The following MYO19 variants were observed in gnomAD, a reference collection of about 807,000 sequenced individuals.
MYO19 encodes myosin XIX, also known as unconventional myosin-XIX.
Under a neutral mutation model 129.2 loss-of-function variants are expected in MYO19, and 132 were observed. The observed-to-expected ratio is 1.02, with a 90% CI of 0.89 to 1.18. MYO19 has a LOEUF of 1.18. Ranked by LOEUF, MYO19 falls within the 50% of genes most tolerant of loss-of-function variation. The probability of loss-of-function intolerance (pLI) is 0.00; values close to 1 mark genes in which losing one functional copy is unlikely to be tolerated. For missense variants in MYO19, 1,210 were observed against 1,216.7 expected, an observed-to-expected ratio of 0.99 and a Z score of 0.08; for synonymous variants, 531 against 477.2, an observed-to-expected ratio of 1.11 and a Z score of -1.47.
At chr17:36,497,159 G>A (rs564577555) in intron 25 of MYO19, among the ~76,000 whole-genome samples, 3 of 146,464 alleles carry the variant, frequency 2.0e-5, no homozygotes, top group Non-Finnish European at 3.0e-5. Context: ...GCGAAACCCC[G>A]TCTCTATTAA....
At chr17:36,532,888 C>CAGGGTT (rs2073909167) in intron 2 of MYO19, among the ~76,000 whole-genome samples, 1 of 152,124 alleles carries the variant, frequency 6.6e-6, no homozygotes, top group Non-Finnish European at 1.5e-5. Flanking sequence ...AGTTTTATTA[C>CAGGGTT]AGGGTTAGGG....
chr17:36,522,544 AAAAAC>A (rs2073201479), intron 6 of MYO19, among the ~76,000 whole-genome samples: 1 of 151,866 alleles, frequency 6.6e-6, no homozygotes, highest in African/African-American at 2.4e-5. Context: ...TATGGTTCAT[AAAAAC>A]AAAACAAGGC....
intron 2 of MYO19, among the ~76,000 whole-genome samples, chr17:36,541,916 T>A (rs984459968): frequency 2.0e-5 from 3 of 152,242 alleles, no homozygotes; most frequent in Non-Finnish European, 4.4e-5. Context: ...AGATGCACAG[T>A]GAAAACTTTG....
In MYO19 at chr17:36,515,986, CAT is replaced by C; in HGVS notation, c.417_418del (p.Trp140AspfsTer51). On this transcript the variant is annotated frameshift_variant and splice_region_variant, in exon 7 of 26. Coordinates refer to ENST00000614623, the MANE Select transcript of MYO19 (RefSeq NM_001163735.2). LOFTEE classifies it high-confidence loss of function. ...GAACTTCATTAGGCAGCGAGACGTC[CAT>C]GTCTGTGGCAGAAACAGCCCTGTGG... is the stretch of plus-strand genomic sequence containing the variant. The C allele has an allele frequency of 6.2e-7, 1 of 1,610,280 alleles. No individual in the cohort carries two copies. Among genetic ancestry groups the C allele is most frequent in the East Asian group, 2.2e-5 (1 of 44,814 alleles).
chr17:36,514,307 TC>T, intron 9 of MYO19, 138 bp downstream of exon 9: 1 of 660,584 alleles, frequency 1.5e-6, no homozygotes, highest in Non-Finnish European at 2.7e-6. Flanking sequence ...GCATGTAAAG[TC>T]TGCAGGATAA....
In MYO19 at chr17:36,523,225, T is replaced by C. The variant is rs375199039; in HGVS notation, c.414+2003A>G. On this transcript the variant is annotated intron_variant, in intron 6 of 25. Coordinates refer to ENST00000614623, the MANE Select transcript of MYO19 (RefSeq NM_001163735.2). The stretch of plus-strand genomic sequence containing the variant: ...AACAAAAACAAAATAAAGAGAACGC[T>C]ATGGGTTCCTGCCATGGGGGATTTA... Among the ~76,000 whole-genome samples the C allele has an allele frequency of 3.3e-5, 5 of 150,076 alleles. No individual in the cohort carries two copies. In the South Asian group the frequency reaches 8.4e-4, roughly 25 times the overall value.
chr17:36,521,038 C>T (rs188220811), intron 6 of MYO19, among the ~76,000 whole-genome samples: 73 of 152,252 alleles, frequency 4.8e-4, no homozygotes, highest in African/African-American at 1.7e-3. Flanking sequence ...TTGATATGCC[C>T]AAAGATTTAT....
intron 8 of MYO19, 63 bp from the exon 9 acceptor site, chr17:36,514,611 T>A: frequency 8.8e-7 from 1 of 1,138,556 alleles, no homozygotes; most frequent in Non-Finnish European, 1.3e-6. Flanking sequence ...TGTCTGGCAA[T>A]CTGGGTGTGC....
At chr17:36,513,847 C>T (rs2072545461) in intron 9 of MYO19, 122 bp from the exon 10 acceptor site, 5 of 821,544 alleles carry the variant, frequency 6.1e-6, no homozygotes, top group African/African-American at 1.7e-5. Context: ...CTCAGAGGTC[C>T]CTTCCGAGAG....
At chr17:36,521,388 C>T (rs1419840897) in intron 6 of MYO19, among the ~76,000 whole-genome samples, 5 of 151,808 alleles carry the variant, frequency 3.3e-5, no homozygotes, top group South Asian at 2.1e-4. Context: ...AACAAATATT[C>T]GAAGTTCCAA....
At chr17:36,502,734 A>C (rs2071618104) in intron 21 of MYO19, 1 of 244,456 alleles carries the variant, frequency 4.1e-6, no homozygotes, top group Non-Finnish European at 7.9e-6. Flanking sequence ...GCAACACAGA[A>C]CTGGCTGGAG....
chr17:36,541,085 C>CT (rs2074195507), intron 2 of MYO19, among the ~76,000 whole-genome samples: 1 of 151,872 alleles, frequency 6.6e-6, no homozygotes, highest in African/African-American at 2.4e-5. Flanking sequence ...GTAGCTGGGA[C>CT]TACAGGTGCC....
intron 21 of MYO19, 92 bp downstream of exon 21, chr17:36,503,005 T>C: frequency 9.4e-7 from 1 of 1,065,168 alleles, no homozygotes; most frequent in Non-Finnish European, 1.4e-6. Flanking sequence ...TATTCACCAG[T>C]AAGCCCCAGC....
In MYO19 at chr17:36,525,870, C is replaced by A. The variant is rs965775049; in HGVS notation, c.301-529G>T. ...TTCAATGTACTAGGCATCAATCAAG[C>A]TGGATGCTGAGGAAACATAGGGGAC... On this transcript the variant is annotated intron_variant, in intron 5 of 25. Coordinates refer to ENST00000614623, the MANE Select transcript of MYO19 (RefSeq NM_001163735.2). 3.3e-5 allele frequency among the ~76,000 whole-genome samples: 5 copies of A among 152,200 alleles called. No homozygotes were observed. The East Asian group carries it at 5.8e-4, about 18-fold the overall frequency.
Position 36,507,155 on chromosome 17 carries a change from AGGG to A in MYO19, c.1468-19_1468-17del, listed in dbSNP as rs754543884. On this transcript the variant is annotated splice_polypyrimidine_tract_variant and intron_variant, in intron 16 of 25. Coordinates refer to ENST00000614623, the MANE Select transcript of MYO19 (RefSeq NM_001163735.2). ...GGCGGCATTCCTGTGGGATGGGAAC[AGGG>A]GGTCAGCCACCAACATGAGAGTGTC... 5.7e-6 allele frequency: 9 copies of A among 1,590,318 alleles called. No individual in the cohort carries two copies. The African/African-American group carries it at 1.2e-4, about 22-fold the overall frequency.
At chr17:36,508,020 C>T (rs939204779) in intron 14 of MYO19, 96 bp from the exon 15 acceptor site, 4 of 1,349,268 alleles carry the variant, frequency 3.0e-6, no homozygotes, top group African/African-American at 1.5e-5. Flanking sequence ...CTGCCAATGC[C>T]TTATACTTGG....
intron 20 of MYO19, among the ~76,000 whole-genome samples, chr17:36,503,673 C>T (rs2071686571): frequency 6.6e-6 from 1 of 152,246 alleles, no homozygotes; most frequent in South Asian, 2.1e-4. Flanking sequence ...GCACTTCCTC[C>T]CAATTGCTTG....
chr17:36,517,577 C>G (rs1208669546), intron 6 of MYO19, among the ~76,000 whole-genome samples: 1 of 152,126 alleles, frequency 6.6e-6, no homozygotes, highest in African/African-American at 2.4e-5. Context: ...TTTTATTCAT[C>G]TTTTCAGAGA....
At chr17:36,520,418 T>C (rs1333789420) in intron 6 of MYO19, among the ~76,000 whole-genome samples, 1 of 152,228 alleles carries the variant, frequency 6.6e-6, no homozygotes, top group African/African-American at 2.4e-5. Flanking sequence ...TGTAAAAATA[T>C]TACTTTTGAC....
Sources: gnomAD v4.1 joint callset for allele counts (sites outside exome capture counted in the v4.1 genomes callset) on GRCh38, gnomAD v4.1.1 for gene constraint, MANE v1.5 for transcripts, NCBI Gene and HGNC (gene_info 2026-07-23, HGNC 2026-07-21) for gene names.